PPP4R4: variants seen among roughly 807,000 people sequenced by gnomAD.
PPP4R4 encodes the protein protein phosphatase 4 regulatory subunit 4, also known as serine/threonine-protein phosphatase 4 regulatory subunit 4.
Under a neutral mutation model 121.8 loss-of-function variants are expected in PPP4R4, and 70 were observed. That is an observed-to-expected ratio of 0.57 (90% CI 0.47 to 0.70). PPP4R4 has a LOEUF of 0.70. Among genes scored for constraint, PPP4R4 ranks in the 30% least tolerant of loss-of-function variants. The pLI is 0.00. For synonymous variants in PPP4R4, 348 were observed against 355.7 expected, an observed-to-expected ratio of 0.98 and a Z score of 0.24; for missense variants, 875 against 1,033.6, an observed-to-expected ratio of 0.85 and a Z score of 2.10.
intron 2 of PPP4R4, among the ~76,000 whole-genome samples, chr14:94,178,398 T>G (rs1222973699): frequency 1.3e-5 from 2 of 150,610 alleles, no homozygotes; most frequent in Non-Finnish European, 3.0e-5. Flanking sequence ...GTTTGTTTCT[T>G]TAGTTCTTTT....
chr14:94,248,022 A>G (rs914620944), intron 14 of PPP4R4, among the ~76,000 whole-genome samples: 2 of 152,182 alleles, frequency 1.3e-5, no homozygotes, highest in Non-Finnish European at 2.9e-5. Flanking sequence ...ATGCCCACTC[A>G]TACCACTCCT....
chr14:94,231,492 C>G (rs1892033162), intron 5 of PPP4R4, among the ~76,000 whole-genome samples, 177 bp downstream of exon 5: 1 of 152,134 alleles, frequency 6.6e-6, no homozygotes, highest in African/African-American at 2.4e-5. Flanking sequence ...AAAAAGAATT[C>G]ATAGCTCTGT....
At chr14:94,200,224 TCA>T (rs1460289677) in intron 2 of PPP4R4, among the ~76,000 whole-genome samples, 3 of 152,230 alleles carry the variant, frequency 2.0e-5, no homozygotes, top group Non-Finnish European at 4.4e-5. Context: ...ACTGCTAGAC[TCA>T]CTTATTCTAG....
chr14:94,276,965 A>G (rs1480585184), intron 24 of PPP4R4, among the ~76,000 whole-genome samples: 2 of 152,196 alleles, frequency 1.3e-5, no homozygotes, highest in Admixed American at 6.5e-5. Context: ...TAGCTATACA[A>G]TTATTGCTCC....
intron 12 of PPP4R4, among the ~76,000 whole-genome samples, chr14:94,244,936 T>C (rs1357640129): frequency 3.3e-5 from 5 of 152,124 alleles, no homozygotes; most frequent in Admixed American, 2.6e-4. Flanking sequence ...ATATGTATAT[T>C]TGTTTATTAA....
intron 3 of PPP4R4, among the ~76,000 whole-genome samples, chr14:94,217,601 T>G (rs1000540720): frequency 1.3e-5 from 2 of 152,186 alleles, no homozygotes; most frequent in Non-Finnish European, 2.9e-5. Context: ...TTAAAGTAAC[T>G]GTGATTTATA....
chr14:94,211,788 G>A (rs936792282), intron 3 of PPP4R4, among the ~76,000 whole-genome samples: 2 of 152,114 alleles, frequency 1.3e-5, no homozygotes, highest in African/African-American at 4.8e-5. Flanking sequence ...GAGAGCAGTA[G>A]ACATATCTGA....
At chr14:94,270,313 T>A (rs1413261995) in intron 23 of PPP4R4, among the ~76,000 whole-genome samples, 1 of 152,234 alleles carries the variant, frequency 6.6e-6, no homozygotes, top group Non-Finnish European at 1.5e-5. Flanking sequence ...TTTTTCTAAA[T>A]TGATCCAGAG....
chr14:94,188,428 A>G (rs991000515), intron 2 of PPP4R4, among the ~76,000 whole-genome samples: 1 of 152,034 alleles, frequency 6.6e-6, no homozygotes, highest in African/African-American at 2.4e-5. Flanking sequence ...GTATTTTATG[A>G]AGATGACCCT....
intron 17 of PPP4R4, 97 bp from the exon 18 acceptor site, chr14:94,258,683 GTCT>G (rs1436922196): frequency 1.3e-6 from 1 of 799,440 alleles, no homozygotes. Flanking sequence ...TAGTGCAGAA[GTCT>G]TCTATTTGAA....
chr14:94,212,501 C>G (rs1216394702), intron 3 of PPP4R4, among the ~76,000 whole-genome samples: 1 of 152,060 alleles, frequency 6.6e-6, no homozygotes, highest in Non-Finnish European at 1.5e-5. Context: ...GGCCACTCAT[C>G]TGAAGGTTAA....
At chr14:94,184,611 C>A (rs552903494) in intron 2 of PPP4R4, among the ~76,000 whole-genome samples, 1 of 152,182 alleles carries the variant, frequency 6.6e-6, no homozygotes, top group East Asian at 1.9e-4. Flanking sequence ...GAATAAGGTC[C>A]AATGAACTTT....
chr14:94,257,406 A>T (rs1036443874), intron 17 of PPP4R4, among the ~76,000 whole-genome samples: 21 of 152,064 alleles, frequency 1.4e-4, no homozygotes, highest in Non-Finnish European at 1.6e-4. Flanking sequence ...ATAGTGAGGG[A>T]AATTTCCTTA....
chr14:94,179,403 T>C (rs879635410), intron 2 of PPP4R4, among the ~76,000 whole-genome samples: 1 of 152,226 alleles, frequency 6.6e-6, no homozygotes, highest in Non-Finnish European at 1.5e-5. Context: ...ATCAGTAGTT[T>C]ATTCCTTTTT....
At chr14:94,249,127 T>C (rs1016709978) in intron 14 of PPP4R4, among the ~76,000 whole-genome samples, 2 of 152,084 alleles carry the variant, frequency 1.3e-5, no homozygotes, top group African/African-American at 4.8e-5. Flanking sequence ...ATGACTGTTA[T>C]ATATGTATTT....
At chr14:94,262,992 T>G (rs2139636328) in intron 19 of PPP4R4, among the ~76,000 whole-genome samples, 1 of 152,242 alleles carries the variant, frequency 6.6e-6, no homozygotes, top group South Asian at 2.1e-4. Context: ...CTCATTGAAT[T>G]GTTGATGCTT....
At chr14:94,240,962 G>C (rs576452154) in intron 9 of PPP4R4, among the ~76,000 whole-genome samples, 167 bp downstream of exon 9, 1 of 152,096 alleles carries the variant, frequency 6.6e-6, no homozygotes, top group East Asian at 1.9e-4. Context: ...AGCACATTTA[G>C]GAATGACTTT....
chr14:94,254,459 C>T (rs1893358063), intron 16 of PPP4R4, among the ~76,000 whole-genome samples: 1 of 152,058 alleles, frequency 6.6e-6, no homozygotes, highest in African/African-American at 2.4e-5. Flanking sequence ...TAGCTGTATC[C>T]GTGGTGAGCT....
chr14:94,256,516 A>C lies in PPP4R4; in HGVS notation c.1922A>C (p.Asp641Ala). ...KVKSTLKIPA[D>A]KHLLQQLEMC... ...AAATCTACTCTGAAGATTCCTGCTG[A>C]TAAGCATCTACTTCAGCAGTTAGAA... The change falls in exon 17 of 25, where the codon GAT becomes GCT. Residue 641 changes from aspartate to alanine, a missense_variant. Asp to Ala is a moderately radical substitution (Grantham distance 126). Coordinates refer to ENST00000304338, the MANE Select transcript of PPP4R4 (RefSeq NM_058237.2). 2 of 1,603,166 alleles carry C rather than the reference A, an allele frequency of 1.2e-6. No individual in the cohort carries two copies. Among genetic ancestry groups the C allele is most frequent in the Non-Finnish European group, 1.7e-6 (2 of 1,170,754 alleles).
Sources: allele counts gnomAD v4.1 joint callset (sites outside exome capture counted in the v4.1 genomes callset), GRCh38; gene constraint gnomAD v4.1.1; transcripts MANE v1.5; gene names NCBI Gene and HGNC (gene_info 2026-07-23, HGNC 2026-07-21).